QDPR: variants seen among roughly 807,000 people sequenced by gnomAD.
QDPR encodes dihydropteridine reductase.
In QDPR, 23 loss-of-function variants were observed where a neutral mutation model predicts 31.7. That is an observed-to-expected ratio of 0.73 (90% CI 0.52 to 1.03). QDPR has a LOEUF of 1.03. QDPR is among the 50% of genes least tolerant of loss of function. The pLI is 0.00. For missense variants in QDPR, 324 were observed against 323.8 expected (o/e 1.00, Z 0.00); for synonymous variants, 124 against 124.7 (o/e 0.99, Z 0.03).
intron 2 of QDPR, among the ~76,000 whole-genome samples, chr4:17,505,702 T>A (rs540777233): frequency 7.9e-5 from 12 of 152,256 alleles, no homozygotes; most frequent in Middle Eastern, 3.4e-3. Flanking sequence ...TAGTTTTTTT[T>A]AAAAAAGACT....
At chr4:17,488,699 AC>A (rs1313173406) in intron 6 of QDPR, among the ~76,000 whole-genome samples, 1 of 152,248 alleles carries the variant, frequency 6.6e-6, no homozygotes, top group Admixed American at 6.5e-5. Flanking sequence ...ACCTTCATTA[AC>A]TAAAAAGTGC....
chr4:17,498,614 A>C (rs547162811), intron 4 of QDPR, among the ~76,000 whole-genome samples: 6 of 152,358 alleles, frequency 3.9e-5, no homozygotes, highest in Admixed American at 2.0e-4. Context: ...AAGACATTTC[A>C]CTAAGAAGGT....
intron 1 of QDPR, 55 bp from the exon 2 acceptor site, chr4:17,509,418 G>A: frequency 6.7e-7 from 1 of 1,487,814 alleles, no homozygotes; most frequent in Non-Finnish European, 9.4e-7. Context: ...TTCCATGAAA[G>A]AGTCACACAT....
At chr4:17,490,781 G>A (rs751223285) in intron 5 of QDPR, 36 bp from the exon 6 acceptor site, 20 of 1,557,302 alleles carry the variant, frequency 1.3e-5, no homozygotes, top group Admixed American at 3.4e-5. Context: ...CATTCATGTC[G>A]CTCCTTTCTA....
At chr4:17,511,430 C>A (rs1719002754) in intron 1 of QDPR, among the ~76,000 whole-genome samples, 1 of 152,182 alleles carries the variant, frequency 6.6e-6, no homozygotes, top group Non-Finnish European at 1.5e-5. Context: ...TAATAGACAG[C>A]ATTTAAACAG....
At chr4:17,501,644 C>T (rs1362349260) in intron 4 of QDPR, 75 bp downstream of exon 4, 99 of 1,559,100 alleles carry the variant, frequency 6.3e-5, no homozygotes, top group Non-Finnish European at 8.3e-5. Flanking sequence ...CAGTCCTCAT[C>T]CCATGAAAGT....
intron 4 of QDPR, among the ~76,000 whole-genome samples, chr4:17,499,576 G>A (rs1013993850): frequency 6.6e-6 from 1 of 152,196 alleles, no homozygotes; most frequent in Non-Finnish European, 1.5e-5. Context: ...GAAAATGAGA[G>A]GGAAGGTATT....
intron 4 of QDPR, among the ~76,000 whole-genome samples, chr4:17,495,037 C>T (rs772121163): frequency 6.6e-5 from 10 of 152,142 alleles, no homozygotes; most frequent in Middle Eastern, 3.2e-3. Flanking sequence ...AGATGTTCTC[C>T]CAGTGACTGC....
At chr4:17,503,729 C>T (rs1309893073) in intron 3 of QDPR, among the ~76,000 whole-genome samples, 2 of 152,174 alleles carry the variant, frequency 1.3e-5, no homozygotes, top group Non-Finnish European at 2.9e-5. Context: ...GGGGGTGGAT[C>T]ACCTGAGGTC....
At position 17,492,243 on chromosome 4, in the gene QDPR, G is replaced by A. The variant is rs767857309; in HGVS notation, c.534C>T (p.Ile178=). Residue 178 remains isoleucine (I), a synonymous_variant, in exon 5 of 7, where the codon ATC becomes ATT. Transcript: ENST00000281243. ...NSGMPPGAAA[I]AVLPVTLDTP... ...CCCCAAGCACTTACGGGAGCACAGC[G>A]ATGGCGGCTGCCCCGGGCGGCATGC... The A allele has an allele frequency of 2.0e-5, 32 of 1,613,914 alleles. No homozygotes were observed. Among genetic ancestry groups the A allele is most frequent in the Non-Finnish European group, 2.6e-5 (31 of 1,179,896 alleles).
chr4:17,501,601 T>C lies in QDPR; in HGVS notation c.436+118A>G, dbSNP rs1360253642. On this transcript the variant is annotated intron_variant, in intron 4 of 6. Coordinates refer to ENST00000281243, the MANE Select transcript of QDPR (RefSeq NM_000320.3). ...CCCAAAAGAAGACAAAATCCATCTA[T>C]CTGTTAAGCAGCTTAGAGGGTAAAG... 6 of 1,195,628 alleles carry C rather than the reference T, an allele frequency of 5.0e-6. No homozygotes were observed. In the Admixed American group the frequency reaches 6.0e-5, roughly 12 times the overall value. The allele number at this position is 1,195,628 out of a possible 1,614,324, so 74.1% of individuals were successfully genotyped here. A position where few individuals can be genotyped will look rare whatever the true frequency, so the allele number is the denominator to read the frequency against.
chr4:17,509,251 G>C lies in QDPR; in HGVS notation c.198+20C>G, dbSNP rs1034593646. 1 of 1,597,654 alleles carries C rather than the reference G, an allele frequency of 6.3e-7. No homozygotes were observed. The highest frequency in any genetic ancestry group is 8.6e-7 in the Non-Finnish European group (1 of 1,165,244). On this transcript the variant is annotated intron_variant, in intron 2 of 6. Transcript: ENST00000281243. ...CCCCAGGGTTCCCCTCACAATGTTT[G>C]GGGGCCTTTTTGAAACTACCTGGTC... is the stretch of plus-strand genomic sequence containing the variant.
At position 17,503,145 on chromosome 4, in the gene QDPR, A is replaced by G. The variant is rs116332808; in HGVS notation, c.295+1234T>C. Among the ~76,000 whole-genome samples, 1,122 of 152,350 alleles carry G rather than the reference A, an allele frequency of 7.4e-3. 8 individuals carry two copies. Among genetic ancestry groups the G allele is most frequent in the African/African-American group, 0.025 (1,048 of 41,574 alleles). On this transcript the variant is annotated intron_variant, in intron 3 of 6. Coordinates refer to ENST00000281243, the MANE Select transcript of QDPR (RefSeq NM_000320.3). Reference sequence around the variant, plus strand: ...GAACAAGTCAAACAACCCCTTAAAGAAAAGTTCAGACAAGTTCAGAATGTG... The same window carrying G: ...GAACAAGTCAAACAACCCCTTAAAGGAAAGTTCAGACAAGTTCAGAATGTG...
rs1719027576 is a variant in QDPR, at chr4:17,511,947, T to C, written c.105+3A>G. ...ACCCAGCAGCCCCAGCCCGCAGCAT[T>C]ACCCAGTTGCGGGCCCGAAAAGCCT... On this transcript the variant is annotated splice_donor_region_variant and intron_variant, in intron 1 of 6. Transcript: ENST00000281243. 3 of 1,608,310 alleles carry C rather than the reference T, an allele frequency of 1.9e-6. No individual in the cohort carries two copies. Among genetic ancestry groups the C allele is most frequent in the East Asian group, 4.5e-5 (2 of 44,700 alleles).
intron 4 of QDPR, 40 bp from the exon 5 acceptor site, chr4:17,492,380 G>C (rs761881562): frequency 1.3e-6 from 2 of 1,501,170 alleles, no homozygotes; most frequent in African/African-American, 1.4e-5. Flanking sequence ...ACCACTGGCG[G>C]CCAGGGGGAC....
At chr4:17,502,048 T>C (rs903559000) in intron 3 of QDPR, among the ~76,000 whole-genome samples, 189 bp from the exon 4 acceptor site, 3 of 152,218 alleles carry the variant, frequency 2.0e-5, no homozygotes, top group Non-Finnish European at 4.4e-5. Context: ...GGCCATGGGA[T>C]TGCCTGAGGT....
chr4:17,493,851 C>G (rs1417274966), intron 4 of QDPR, among the ~76,000 whole-genome samples: 1 of 152,168 alleles, frequency 6.6e-6, no homozygotes, highest in Non-Finnish European at 1.5e-5. Flanking sequence ...TAAGAAGTAG[C>G]TCCATCCTGA....
In QDPR at chr4:17,487,252, AAAG is replaced by A; in HGVS notation, c.630-19_630-17del. ...ATGGAAAGTTCTGGAACAGAAAATA[AAAG>A]TTTTTTTTATATTCTCAAAGCAAAA... is the stretch of plus-strand genomic sequence containing the variant. On this transcript the variant is annotated splice_polypyrimidine_tract_variant and intron_variant, in intron 6 of 6. Transcript: ENST00000281243. 6.2e-7 allele frequency: 1 copy of A among 1,610,596 alleles called. No individual in the cohort carries two copies. The highest frequency in any genetic ancestry group is 2.2e-5 in the East Asian group (1 of 44,868).
At chr4:17,510,269 CT>C (rs1159862604) in intron 1 of QDPR, among the ~76,000 whole-genome samples, 1 of 152,196 alleles carries the variant, frequency 6.6e-6, no homozygotes, top group African/African-American at 2.4e-5. Context: ...AATCCCAGCT[CT>C]GCCAGAGTGG....
Sources: gnomAD v4.1 joint callset for allele counts (sites outside exome capture counted in the v4.1 genomes callset) on GRCh38, gnomAD v4.1.1 for gene constraint, MANE v1.5 for transcripts, NCBI Gene and HGNC (gene_info 2026-07-23, HGNC 2026-07-21) for gene names.